The following TRIM5 variants were observed in gnomAD, a reference collection of about 807,000 sequenced individuals.
TRIM5 encodes the protein tripartite motif-containing protein 5.
TRIM5 carries 31 observed loss-of-function variants against 35.6 expected under a neutral mutation model. The observed-to-expected ratio is 0.87, with a 90% CI of 0.65 to 1.18. The LOEUF (loss-of-function observed/expected upper bound fraction) is 1.18, where lower values mean the gene tolerates loss of function less well. TRIM5 is among the 50% of genes most tolerant of loss of function. The probability of loss-of-function intolerance (pLI) is 0.00; values close to 1 mark genes in which losing one functional copy is unlikely to be tolerated. For synonymous variants in TRIM5, 243 were observed against 215.6 expected, an observed-to-expected ratio of 1.13 and a Z score of -1.11; for missense variants, 609 against 591.6, an observed-to-expected ratio of 1.03 and a Z score of -0.31.
At chr11:5,654,645 A>G in the TRIM5 span, among the ~76,000 whole-genome samples, 1 of 152,190 alleles carries the variant, frequency 6.6e-6, no homozygotes, top group African/African-American at 2.4e-5. Flanking sequence ...GGTTTGTACC[A>G]ATCACTTTTG....
the TRIM5 span, chr11:5,634,528 CACAT>C: frequency 9.1e-3 from 4,815 of 531,116 alleles, 12 homozygotes; most frequent in African/African-American, 0.019. Context: ...CACACACACA[CACAT>C]ATATATATAT....
chr11:5,671,262 A>T (rs1034038807), intron 4 of TRIM5, among the ~76,000 whole-genome samples: 1 of 151,618 alleles, frequency 6.6e-6, no homozygotes, highest in Non-Finnish European at 1.5e-5. Flanking sequence ...AAATGTGTAC[A>T]CATACAAAGA....
the TRIM5 span, among the ~76,000 whole-genome samples, chr11:5,650,182 G>A: frequency 1.6e-3 from 240 of 152,296 alleles, 9 homozygotes; most frequent in East Asian, 0.042. Context: ...TTCCAGTGAG[G>A]AGAAAATGCT....
the TRIM5 span, chr11:5,605,536 G>C: frequency 4.3e-6 from 7 of 1,613,732 alleles, no homozygotes; most frequent in East Asian, 4.5e-5. Context: ...CTGGAGCGTC[G>C]ATGTCAGGGG....
In TRIM5 at chr11:5,664,589, G is replaced by A. The variant is rs930567416; in HGVS notation, c.*220C>T. The A allele has an allele frequency of 8.6e-6, 11 of 1,283,266 alleles. No individual in the cohort carries two copies. The highest frequency in any genetic ancestry group is 7.6e-5 in the African/African-American group (5 of 66,208). The allele number at this position is 1,283,266 out of a possible 1,614,324, so 79.5% of individuals were successfully genotyped here. A position where few individuals can be genotyped will look rare whatever the true frequency, so the allele number is the denominator to read the frequency against. ...ATAGGTCAGTTTTCCTTAGGAGTAC[G>A]GAAAATGATGAAAAAAATTGCTATC... is the stretch of plus-strand genomic sequence containing the variant. On this transcript the variant is annotated 3_prime_UTR_variant, in exon 8 of 8. Coordinates refer to ENST00000380034, the MANE Select transcript of TRIM5 (RefSeq NM_033034.3).
rs543387456 is a variant in TRIM5, at chr11:5,678,133, A to G, written c.744+71T>C. The G allele has an allele frequency of 7.6e-6, 10 of 1,318,270 alleles. 1 individual carries two copies. The highest frequency in any genetic ancestry group is 7.5e-5 in the South Asian group (5 of 66,848). The allele number at this position is 1,318,270 out of a possible 1,614,324, so 81.7% of individuals were successfully genotyped here. Reference sequence around the variant, plus strand: ...ACATTGTTAATATTAGAAAAAGCACAGCAACGCAGAGAAGGAAATAGCCTT... The same window carrying G: ...ACATTGTTAATATTAGAAAAAGCACGGCAACGCAGAGAAGGAAATAGCCTT... On this transcript the variant is annotated intron_variant, in intron 4 of 7. Transcript: ENST00000380034.
At chr11:5,644,725 C>G in the TRIM5 span, among the ~76,000 whole-genome samples, 2 of 152,106 alleles carry the variant, frequency 1.3e-5, no homozygotes, top group Admixed American at 1.3e-4. Flanking sequence ...TAAAATCTTT[C>G]TTAGCAAATT....
At chr11:5,597,300 G>T in the TRIM5 span, among the ~76,000 whole-genome samples, 1 of 152,124 alleles carries the variant, frequency 6.6e-6, no homozygotes, top group African/African-American at 2.4e-5. Flanking sequence ...CACGTAGGAG[G>T]CTGCCTGACA....
Position 5,678,371 on chromosome 11 carries a change from C to A in TRIM5, c.577G>T (p.Asp193Tyr), listed in dbSNP as rs1852159471. The A allele has an allele frequency of 1.9e-6, 3 of 1,608,616 alleles. No individual in the cohort carries two copies. The highest frequency in any genetic ancestry group is 2.6e-6 in the Non-Finnish European group (3 of 1,175,960). ...TGCAGCTCATTGCTCTCCTCCCAGT[C>A]CAGGATGTCTCTCAGTTGCTCAAAA... is the stretch of plus-strand genomic sequence containing the variant. The part of the protein sequence containing the change: ...ADFEQLRDIL[D>Y]WEESNELQNL... The change falls in exon 4 of 8, where the codon GAC becomes TAC. Residue 193 changes from aspartate to tyrosine, a missense_variant. Asp to Tyr is a radical substitution (Grantham distance 160). Transcript: ENST00000380034.
At chr11:5,640,404 A>G in the TRIM5 span, among the ~76,000 whole-genome samples, 3 of 151,418 alleles carry the variant, frequency 2.0e-5, no homozygotes, top group Non-Finnish European at 4.4e-5. Context: ...TGTGGTTTTC[A>G]TCCTTTATTT....
the TRIM5 span, among the ~76,000 whole-genome samples, chr11:5,602,937 G>A: frequency 5.3e-5 from 8 of 152,150 alleles, no homozygotes; most frequent in Non-Finnish European, 1.0e-4. Flanking sequence ...CTGGGTGACA[G>A]AGTGAGTCTC....
Position 5,666,651 on chromosome 11 carries a change from A to G in TRIM5, c.768-570T>C, listed in dbSNP as rs182164251. Among the ~76,000 whole-genome samples the G allele has an allele frequency of 1.5e-4, 23 of 152,360 alleles. No individual in the cohort carries two copies. In the East Asian group the frequency reaches 4.1e-3, roughly 27 times the overall value. On this transcript the variant is annotated intron_variant, in intron 5 of 7. Coordinates refer to ENST00000380034, the MANE Select transcript of TRIM5 (RefSeq NM_033034.3). Reference sequence around the variant, plus strand: ...AGGTTTCAGATTTCCGGGAAAAATTACAAACACTTGGCAAATGAGAAATTA... The same window carrying G: ...AGGTTTCAGATTTCCGGGAAAAATTGCAAACACTTGGCAAATGAGAAATTA...
rs1850965196 is a variant in TRIM5 at position 5,664,295 on chromosome 11, C to A, written c.*514G>T. ...GTTACACTGCTGGTATATGGAGAGACAGGAGTTGAACTGAGATCCTCTAGA... is the reference window on the plus strand; with the variant it reads ...GTTACACTGCTGGTATATGGAGAGAAAGGAGTTGAACTGAGATCCTCTAGA... On this transcript the variant is annotated 3_prime_UTR_variant, in exon 8 of 8. Transcript: ENST00000380034. The A allele has an allele frequency of 1.0e-6, 1 of 985,568 alleles. No homozygotes were observed. The highest frequency in any genetic ancestry group is 4.7e-5 in the South Asian group (1 of 21,300). The allele number at this position is 985,568 out of a possible 1,614,324, so 61.1% of individuals were successfully genotyped here. A position where few individuals can be genotyped will look rare whatever the true frequency, so the allele number is the denominator to read the frequency against.
Position 5,664,506 on chromosome 11 carries a change from T to C in TRIM5, c.*303A>G, listed in dbSNP as rs185113430. ...TCTTCTTAGTCAGTGTCAGAGGCAA[T>C]TGGGTGATAAATATCTGGCAGAAGT... On this transcript the variant is annotated 3_prime_UTR_variant, in exon 8 of 8. Coordinates refer to ENST00000380034, the MANE Select transcript of TRIM5 (RefSeq NM_033034.3). 69 of 1,081,210 alleles carry C rather than the reference T, an allele frequency of 6.4e-5. No homozygotes were observed. The highest frequency in any genetic ancestry group is 5.0e-5 in the African/African-American group (3 of 60,248). 67.0% of individuals were successfully genotyped at this position (1,081,210 alleles called of 1,614,324 possible).
rs3060972 is a variant in TRIM5 at position 5,670,170 on chromosome 11, CTT to C, written c.745-2461_745-2460del. Among the ~76,000 whole-genome samples the C allele has an allele frequency of 7.8e-3, 472 of 60,166 alleles. 1 individual carries two copies. Among genetic ancestry groups the C allele is most frequent in the African/African-American group, 0.024 (328 of 13,688 alleles). The allele number at this position is 60,166 out of a possible 152,430, so 39.5% of individuals were successfully genotyped here. Reference sequence around the variant, plus strand: ...TGTCTGTGTTGGATCAGATGCCCATCTTTTTTTTTTTTTTTTTTTTTTTTTGA... The same window carrying C: ...TGTCTGTGTTGGATCAGATGCCCATCTTTTTTTTTTTTTTTTTTTTTTTGA... On this transcript the variant is annotated intron_variant, in intron 4 of 7. Transcript: ENST00000380034.
chr11:5,589,800 C>G, the TRIM5 span: 2 of 154,658 alleles, frequency 1.3e-5, no homozygotes, highest in Admixed American at 1.3e-4. Context: ...CCCTTCAGCC[C>G]ACCGCTGCAC....
the TRIM5 span, among the ~76,000 whole-genome samples, chr11:5,607,208 A>C: frequency 0.19 from 28,934 of 152,158 alleles, 3,059 homozygotes; most frequent in African/African-American, 0.27. Flanking sequence ...CATCTCAAAA[A>C]AAAAAAATAT....
At chr11:5,635,458 G>A in the TRIM5 span, among the ~76,000 whole-genome samples, 6,193 of 151,942 alleles carry the variant, frequency 0.041, 401 homozygotes, top group African/African-American at 0.14. Flanking sequence ...GGGTTTCACC[G>A]TGCTAGCCAG....
chr11:5,629,238 T>C, the TRIM5 span, among the ~76,000 whole-genome samples: 15 of 151,988 alleles, frequency 9.9e-5, no homozygotes, highest in African/African-American at 3.1e-4. Flanking sequence ...GATTGTACCA[T>C]TGCATTCCAG....
Sources: allele counts gnomAD v4.1 joint callset (sites outside exome capture counted in the v4.1 genomes callset), GRCh38; gene constraint gnomAD v4.1.1; transcripts MANE v1.5; gene names NCBI Gene and HGNC (gene_info 2026-07-23, HGNC 2026-07-21).